Variants in QTGAL observed in about 807,000 individuals in gnomAD.
The protein encoded by QTGAL is queuosine-tRNA galactosyltransferase.
At chr17:82,944,599 G>T in the QTGAL span, 1 of 152,336 alleles carries the variant, frequency 6.6e-6, no homozygotes, top group African/African-American at 2.4e-5. Flanking sequence ...TCCAATGGCA[G>T]AAAAGAGAAT....
chr17:83,037,495 G>T, the QTGAL span, among the ~76,000 whole-genome samples: 1 of 152,242 alleles, frequency 6.6e-6, no homozygotes, highest in African/African-American at 2.4e-5. This position sits in a 1 kb window ranked among gnomAD's most constrained non-coding sequence, Gnocchi z 5.2. Context: ...GCATAAACAG[G>T]CGCAGGGAGG....
At chr17:82,943,686 G>A in the QTGAL span, 1 of 152,396 alleles carries the variant, frequency 6.6e-6, no homozygotes, top group Admixed American at 6.5e-5. Flanking sequence ...CACGGGATGT[G>A]TGTGACGACC....
the QTGAL span, among the ~76,000 whole-genome samples, chr17:82,997,962 G>T: frequency 5.4e-4 from 77 of 142,420 alleles, no homozygotes; most frequent in East Asian, 0.013. Flanking sequence ...TATCTATCTA[G>T]ATCTATCTAT....
chr17:82,947,115 C>A, the QTGAL span: 1 of 706,406 alleles, frequency 1.4e-6, no homozygotes. Context: ...CTGCTAATAG[C>A]GGAGAGGCTG....
At chr17:83,035,118 C>A in the QTGAL span, 2 of 1,598,922 alleles carry the variant, frequency 1.3e-6, no homozygotes, top group Non-Finnish European at 8.6e-7. Flanking sequence ...AAAAGAAGAG[C>A]AAAACTCTTT....
the QTGAL span, among the ~76,000 whole-genome samples, chr17:83,028,397 G>A: frequency 6.7e-5 from 10 of 149,860 alleles, no homozygotes; most frequent in South Asian, 2.1e-4. Flanking sequence ...GGTGGCGGGC[G>A]CCTGTAGTCC....
the QTGAL span, among the ~76,000 whole-genome samples, chr17:82,960,877 C>T: frequency 1.3e-5 from 2 of 152,252 alleles, no homozygotes; most frequent in Admixed American, 6.5e-5. Context: ...CCTTCGTGGA[C>T]GCCGAATCCC....
At chr17:83,035,172 A>T in the QTGAL span, 1 of 1,276,278 alleles carries the variant, frequency 7.8e-7, no homozygotes, top group Admixed American at 2.1e-5. Flanking sequence ...AGAGCTTAGT[A>T]TATGATATTC....
At chr17:82,959,610 G>C in the QTGAL span, among the ~76,000 whole-genome samples, 1 of 151,920 alleles carries the variant, frequency 6.6e-6, no homozygotes, top group Non-Finnish European at 1.5e-5. Context: ...GCGGGGGGAC[G>C]AGCCTGATCC....
At chr17:82,961,118 C>T in the QTGAL span, 577 of 1,608,886 alleles carry the variant, frequency 3.6e-4, no homozygotes, top group Middle Eastern at 2.3e-3. Context: ...CTCTGGTCCA[C>T]GCGGATGACG....
chr17:83,032,549 T>TCGGGAGCTGAACAACGGGTCAGAC, the QTGAL span, among the ~76,000 whole-genome samples: 2 of 151,528 alleles, frequency 1.3e-5, no homozygotes, highest in Admixed American at 6.6e-5. Flanking sequence ...CAGACTGAGC[T>TCGGGAGCTGAACAACGGGTCAGAC]CAGGGGCCCA....
At chr17:82,969,669 T>C in the QTGAL span, among the ~76,000 whole-genome samples, 1 of 152,060 alleles carries the variant, frequency 6.6e-6, no homozygotes, top group African/African-American at 2.4e-5. Context: ...CTGGGCAACA[T>C]AGCAAGACCC....
chr17:82,942,263 C>T, the QTGAL span: 1 of 715,632 alleles, frequency 1.4e-6, no homozygotes, highest in Non-Finnish European at 2.3e-6. Context: ...CTTCCGAGGA[C>T]ACGTTAGTCA....
chr17:82,977,894 G>C, the QTGAL span, among the ~76,000 whole-genome samples: 1 of 152,066 alleles, frequency 6.6e-6, no homozygotes, highest in Non-Finnish European at 1.5e-5. Context: ...TCTCATCACC[G>C]GGGTTTGGTG....
chr17:83,048,229 T>C, the QTGAL span, among the ~76,000 whole-genome samples: 1 of 152,228 alleles, frequency 6.6e-6, no homozygotes, highest in Non-Finnish European at 1.5e-5. Context: ...GGTTTCACCA[T>C]GTTGGCCACG....
At chr17:82,983,835 T>TA in the QTGAL span, among the ~76,000 whole-genome samples, 1 of 152,172 alleles carries the variant, frequency 6.6e-6, no homozygotes, top group Admixed American at 6.5e-5. Context: ...AATGTGACTG[T>TA]ATTTGGAGAT....
At chr17:82,959,079 G>GT in the QTGAL span, among the ~76,000 whole-genome samples, 1 of 138,972 alleles carries the variant, frequency 7.2e-6, no homozygotes, top group Non-Finnish European at 1.6e-5. Flanking sequence ...GGGGGTGTAT[G>GT]GTGTGTATGT....
At chr17:82,975,674 G>A in the QTGAL span, among the ~76,000 whole-genome samples, 1 of 2,612 alleles carries the variant, frequency 3.8e-4, no homozygotes. Context: ...GACAGAGCCG[G>A]ACTCCATCCT....
chr17:83,007,304 A>G, the QTGAL span: 1 of 984,236 alleles, frequency 1.0e-6, no homozygotes, highest in Non-Finnish European at 1.2e-6. Flanking sequence ...CCCCACACCC[A>G]ATCTGACCGA....
Sources: gnomAD v4.1 joint callset for allele counts (sites outside exome capture counted in the v4.1 genomes callset) on GRCh38, gnomAD v4.1.1 for gene constraint, Gnocchi (gnomAD v3.1) non-coding constraint, MANE v1.5 for transcripts, NCBI Gene and HGNC (gene_info 2026-07-23, HGNC 2026-07-21) for gene names.